The following ERC2 variants were observed in gnomAD, a reference collection of about 807,000 sequenced individuals.
ERC2 encodes the protein ELKS/RAB6-interacting/CAST family member 2, also known as ERC protein 2.
Under a neutral mutation model 114.8 loss-of-function variants are expected in ERC2, and 42 were observed. That is an observed-to-expected ratio of 0.37 (90% CI 0.29 to 0.47). The LOEUF is 0.47. Among genes scored for constraint, ERC2 ranks in the 20% least tolerant of loss-of-function variants. The pLI, the probability that ERC2 is intolerant of heterozygous loss-of-function variation, is 0.99. For synonymous variants in ERC2, 454 were observed against 425.5 expected (o/e 1.07, Z -0.82); for missense variants, 939 against 1,150.7 (o/e 0.82, Z 2.66).
chr3:55,828,763 C>A (rs558673963), intron 14 of ERC2, among the ~76,000 whole-genome samples: 1 of 151,868 alleles, frequency 6.6e-6, no homozygotes, highest in South Asian at 2.1e-4. Flanking sequence ...GGAACCTAAC[C>A]AGGTTGACTG....
chr3:56,209,489 G>A (rs1358725565), intron 3 of ERC2, among the ~76,000 whole-genome samples: 1 of 152,140 alleles, frequency 6.6e-6, no homozygotes, highest in Non-Finnish European at 1.5e-5. Flanking sequence ...GCTCCATGAG[G>A]GTGTAGACCA....
At chr3:56,080,670 A>G (rs776692380) in intron 7 of ERC2, 147 bp downstream of exon 7, 3 of 706,456 alleles carry the variant, frequency 4.2e-6, no homozygotes, top group Non-Finnish European at 6.8e-6. Context: ...TGATGCAACT[A>G]CCAGTAAGTG....
At chr3:56,258,481 C>T (rs1424755639) in intron 3 of ERC2, among the ~76,000 whole-genome samples, 1 of 152,104 alleles carries the variant, frequency 6.6e-6, no homozygotes. Flanking sequence ...GGTGAAACCC[C>T]GTCTCTACTA....
At chr3:55,818,392 C>T (rs1021217886) in intron 14 of ERC2, among the ~76,000 whole-genome samples, 2 of 152,230 alleles carry the variant, frequency 1.3e-5, no homozygotes, top group East Asian at 3.9e-4. Flanking sequence ...TTTTATACCT[C>T]GATGAATGAT....
chr3:55,903,850 G>T (rs1451632814), intron 13 of ERC2, among the ~76,000 whole-genome samples: 1 of 152,184 alleles, frequency 6.6e-6, no homozygotes, highest in Non-Finnish European at 1.5e-5. Context: ...ATGTATAAAA[G>T]GTGACTCCAG....
intron 2 of ERC2, among the ~76,000 whole-genome samples, chr3:56,330,274 A>C (rs569258293): frequency 3.9e-5 from 6 of 152,294 alleles, no homozygotes; most frequent in African/African-American, 1.4e-4. Flanking sequence ...CCTGGGCTCA[A>C]GTGATCCACC....
At chr3:55,795,195 A>G (rs1460807472) in intron 14 of ERC2, among the ~76,000 whole-genome samples, 5 of 152,168 alleles carry the variant, frequency 3.3e-5, no homozygotes, top group Non-Finnish European at 7.4e-5. Flanking sequence ...CTTGGGACAA[A>G]CCGGAAAGAT....
intron 1 of ERC2, among the ~76,000 whole-genome samples, chr3:56,459,963 T>A (rs951501656): frequency 2.0e-5 from 3 of 152,118 alleles, no homozygotes; most frequent in African/African-American, 4.8e-5. Context: ...ATCTGGAAGA[T>A]GTAAGTGGAG....
At chr3:55,549,676 G>A (rs537675571) in intron 17 of ERC2, among the ~76,000 whole-genome samples, 23 of 151,970 alleles carry the variant, frequency 1.5e-4, no homozygotes, top group Non-Finnish European at 2.8e-4. Flanking sequence ...GGCACAAGAT[G>A]GAAGCCCTGT....
chr3:56,285,011 TCACACACACACACACACACATACA>T (rs2054589480), intron 3 of ERC2, among the ~76,000 whole-genome samples: 2 of 95,686 alleles, frequency 2.1e-5, no homozygotes, highest in Non-Finnish European at 4.6e-5. Flanking sequence ...TCTCTCTCTC[TCACACACACACACACACACATACA>T]CACACACACA....
intron 6 of ERC2, among the ~76,000 whole-genome samples, chr3:56,127,294 C>A (rs1021394734): frequency 6.6e-6 from 1 of 152,158 alleles, no homozygotes; most frequent in Non-Finnish European, 1.5e-5. Context: ...ATATCAATGA[C>A]ATTCTTCACA....
intron 14 of ERC2, among the ~76,000 whole-genome samples, chr3:55,818,967 T>C (rs1407637640): frequency 1.3e-5 from 2 of 152,256 alleles, no homozygotes; most frequent in African/African-American, 4.8e-5. Context: ...CTTTTACAGA[T>C]ACCAGAGTAC....
chr3:56,112,922 A>G (rs2079038600), intron 6 of ERC2, among the ~76,000 whole-genome samples: 1 of 152,184 alleles, frequency 6.6e-6, no homozygotes, highest in South Asian at 2.1e-4. Context: ...TTAGCTACCT[A>G]GGCAGAAAAG....
At chr3:56,390,457 A>C (rs1397173820) in intron 2 of ERC2, among the ~76,000 whole-genome samples, 1 of 152,200 alleles carries the variant, frequency 6.6e-6, no homozygotes, top group African/African-American at 2.4e-5. Context: ...TAACAGTGAA[A>C]AGCAAAAAAG....
chr3:55,687,980 C>G (rs2062424816), intron 16 of ERC2, among the ~76,000 whole-genome samples: 1 of 152,208 alleles, frequency 6.6e-6, no homozygotes, highest in African/African-American at 2.4e-5. Context: ...CCTCTGGAGA[C>G]CATTCATTCT....
rs200970961 is a variant in ERC2, at chr3:55,734,820, A to G, written c.2663T>C (p.Met888Thr). Reference protein sequence around the residue: ...SKKKKTQEEVMALKREKDRLV... With the variant: ...SKKKKTQEEVTALKREKDRLV... ...TCGGTCTTTTTCCCGCTTGAGGGCC[A>G]TGACTTCTTCCTGCGTCTTTTTCTT... Residue 888 changes from methionine (M) to threonine (T), a missense_variant, in exon 15 of 18, where the codon ATG becomes ACG. By Grantham distance (81) the Met-to-Thr change is moderately conservative. Coordinates refer to ENST00000288221, the MANE Select transcript of ERC2 (RefSeq NM_015576.3). 5.0e-6 allele frequency: 8 copies of G among 1,613,342 alleles called. No individual in the cohort carries two copies. Among genetic ancestry groups the G allele is most frequent in the East Asian group, 4.5e-5 (2 of 44,846 alleles).
Position 55,913,906 on chromosome 3 carries a change from G to C in ERC2, c.2404-25357C>G, listed in dbSNP as rs115929325. On this transcript the variant is annotated intron_variant, in intron 13 of 17. Coordinates refer to ENST00000288221, the MANE Select transcript of ERC2 (RefSeq NM_015576.3). ...ACCACTCTGTACCCTTTTTCTAGTA[G>C]TATCTCCCTTGAAGCTAGAGATTCA... Among the ~76,000 whole-genome samples the C allele has an allele frequency of 5.4e-3, 822 of 152,244 alleles. 7 individuals carry two copies. Among genetic ancestry groups the C allele is most frequent in the African/African-American group, 0.019 (794 of 41,544 alleles).
At chr3:56,067,268 C>T (rs1378981954) in intron 7 of ERC2, among the ~76,000 whole-genome samples, 1 of 152,172 alleles carries the variant, frequency 6.6e-6, no homozygotes, top group African/African-American at 2.4e-5. Context: ...AGAGGTCCTT[C>T]ACATCCCTTG....
chr3:55,799,729 C>T (rs1350329035), intron 14 of ERC2, among the ~76,000 whole-genome samples: 1 of 151,930 alleles, frequency 6.6e-6, no homozygotes, highest in Non-Finnish European at 1.5e-5. Flanking sequence ...GTGGGAGTGG[C>T]CCCTCTCACG....
Sources: gnomAD v4.1 joint callset for allele counts (sites outside exome capture counted in the v4.1 genomes callset) on GRCh38, gnomAD v4.1.1 for gene constraint, MANE v1.5 for transcripts, NCBI Gene and HGNC (gene_info 2026-07-23, HGNC 2026-07-21) for gene names.